The following ABCC1 variants were observed in gnomAD, a reference collection of about 807,000 sequenced individuals.
The protein encoded by ABCC1 is multidrug resistance-associated protein 1.
Under a neutral mutation model 172.9 loss-of-function variants are expected in ABCC1, and 83 were observed. The ratio of observed to expected loss-of-function variants is 0.48; its 90% confidence interval spans 0.40 to 0.58. The LOEUF is 0.58. Ranked by LOEUF, ABCC1 falls within the 20% of genes least tolerant of loss-of-function variation. The pLI is 0.00. For synonymous variants in ABCC1, 937 were observed against 825.2 expected (o/e 1.14, Z -2.32); for missense variants, 1,817 against 2,002.7 (o/e 0.91, Z 1.77).
chr16:16,007,953 A>T lies in ABCC1; in HGVS notation c.186A>T (p.Arg62=), dbSNP rs542683759. 6.4e-7 allele frequency: 1 copy of T among 1,554,568 alleles called. No homozygotes were observed. Among genetic ancestry groups the T allele is most frequent in the Non-Finnish European group, 8.7e-7 (1 of 1,145,452 alleles). Residue 62 remains arginine (R), a synonymous_variant, in exon 2 of 31, where the codon CGA becomes CGT. Coordinates refer to ENST00000399410, the MANE Select transcript of ABCC1 (RefSeq NM_004996.4). The part of the protein sequence containing the change: ...FYFLYLSRHD[R]GYIQMTPLNK... Reference sequence around the variant, plus strand: ...TCCTCTATCTCTCCCGACATGACCGAGGCTACATTCAGATGACACCTCTCA... The same window carrying T: ...TCCTCTATCTCTCCCGACATGACCGTGGCTACATTCAGATGACACCTCTCA...
At chr16:16,032,326 G>A (rs1458761186) in intron 5 of ABCC1, among the ~76,000 whole-genome samples, 7 of 152,194 alleles carry the variant, frequency 4.6e-5, no homozygotes, top group Non-Finnish European at 1.0e-4. Flanking sequence ...ATCTTGTGAG[G>A]TGAGGATGAA....
intron 12 of ABCC1, among the ~76,000 whole-genome samples, chr16:16,062,250 C>T (rs563316929): frequency 6.6e-6 from 1 of 152,332 alleles, no homozygotes; most frequent in East Asian, 1.9e-4. Context: ...CAGGCTGTCA[C>T]CAAACTTTGC....
Position 16,014,520 on chromosome 16 carries a change from G to A in ABCC1, c.381G>A (p.Glu127=), listed in dbSNP as rs750422600. 3.7e-6 allele frequency: 6 copies of A among 1,614,018 alleles called. No homozygotes were observed. The Admixed American group carries it at 1.0e-4, about 27-fold the overall frequency. The change falls in exon 4 of 31, where the codon GAG becomes GAA. Residue 127 remains glutamate, a synonymous_variant. Coordinates refer to ENST00000399410, the MANE Select transcript of ABCC1 (RefSeq NM_004996.4). ...MLLATFLIQL[E]RRKGVQSSGI... ...TTGCTACCTTTTTAATTCAGCTGGAGAGGAGGAAGGGAGTTCAGTCTTCAG... is the reference window on the plus strand; with the variant it reads ...TTGCTACCTTTTTAATTCAGCTGGAAAGGAGGAAGGGAGTTCAGTCTTCAG...
intron 1 of ABCC1, among the ~76,000 whole-genome samples, chr16:15,965,893 A>C (rs1219742493): frequency 6.6e-6 from 1 of 151,928 alleles, no homozygotes; most frequent in Admixed American, 6.6e-5. Context: ...AGTCATTTTT[A>C]TTTTTCTTTT....
chr16:16,127,264 G>T (rs1292297754), intron 26 of ABCC1, among the ~76,000 whole-genome samples: 1 of 152,114 alleles, frequency 6.6e-6, no homozygotes, highest in Middle Eastern at 3.2e-3. Context: ...CTCTTGCCCG[G>T]GTTGGAGTGT....
chr16:16,046,538 T>G (rs1348528439), intron 9 of ABCC1, among the ~76,000 whole-genome samples: 2 of 152,034 alleles, frequency 1.3e-5, no homozygotes, highest in Non-Finnish European at 2.9e-5. Flanking sequence ...AGAGACAGGG[T>G]TTCGCCATGT....
At chr16:16,021,048 AC>A (rs764087795) in intron 5 of ABCC1, among the ~76,000 whole-genome samples, 6 of 152,150 alleles carry the variant, frequency 3.9e-5, no homozygotes, top group Non-Finnish European at 8.8e-5. Flanking sequence ...GGCAGTATCC[AC>A]CTTGTAACCT....
rs74527938 is a variant in ABCC1, at chr16:16,140,114, C to T, written c.4488-1059C>T. On this transcript the variant is annotated intron_variant, in intron 30 of 30. Coordinates refer to ENST00000399410, the MANE Select transcript of ABCC1 (RefSeq NM_004996.4). ...CTAAAGGAAGAACATTCTAGGCAGC[C>T]GGTACAGCCGAATGTAAAAATGAAT... Among the ~76,000 whole-genome samples the T allele has an allele frequency of 8.7e-3, 1,331 of 152,280 alleles. 8 individuals are homozygous for T. Among genetic ancestry groups the T allele is most frequent in the South Asian group, 0.035 (168 of 4,826 alleles).
chr16:16,072,763 CG>C (rs1567373179), intron 14 of ABCC1, among the ~76,000 whole-genome samples: 2 of 151,778 alleles, frequency 1.3e-5, no homozygotes, highest in Admixed American at 1.3e-4. Context: ...AATATTAGGC[CG>C]GGCACAGTGG....
At chr16:16,014,196 A>G (rs994754576) in intron 3 of ABCC1, among the ~76,000 whole-genome samples, 2 of 152,308 alleles carry the variant, frequency 1.3e-5, no homozygotes, top group East Asian at 1.9e-4. Flanking sequence ...CTGTAATCCC[A>G]GCACCTTGGG....
chr16:16,079,721 A>G (rs1000010834), intron 16 of ABCC1, among the ~76,000 whole-genome samples: 1 of 152,142 alleles, frequency 6.6e-6, no homozygotes, highest in African/African-American at 2.4e-5. Flanking sequence ...CAGCACTTAA[A>G]ATAGTGCCCA....
intron 14 of ABCC1, among the ~76,000 whole-genome samples, chr16:16,074,851 A>T (rs1031967262): frequency 6.6e-6 from 1 of 152,008 alleles, no homozygotes; most frequent in Non-Finnish European, 1.5e-5. Context: ...TTATTTCTTC[A>T]TTTGACAACT....
rs28364004 is a variant in ABCC1 at position 16,090,509 on chromosome 16, G to T, written c.2565G>T (p.Leu855=). ...CTGAGATGGGCTCCTACCAGGAGCT[G>T]CTGGCTCGAGACGGCGCCTTCGCTG... ...KISEMGSYQE[L]LARDGAFAEF... is the part of the protein sequence containing the mutation. The change falls in exon 19 of 31, where the codon CTG becomes CTT. Residue 855 remains leucine (L), a synonymous_variant. Transcript: ENST00000399410. 1,771 of 1,613,846 alleles carry T rather than the reference G, an allele frequency of 1.1e-3. 12 individuals carry two copies. In the African/African-American group the frequency reaches 0.013, roughly 12 times the overall value.
intron 1 of ABCC1, among the ~76,000 whole-genome samples, chr16:15,982,325 T>C (rs1409276188): frequency 6.6e-6 from 1 of 151,982 alleles, no homozygotes; most frequent in East Asian, 1.9e-4. Context: ...AGGGAAGAGA[T>C]TTAGTTGGCC....
Position 16,087,010 on chromosome 16 carries a change from G to T in ABCC1, c.2460+19G>T, listed in dbSNP as rs1405145873. On this transcript the variant is annotated intron_variant, in intron 18 of 30. Coordinates refer to ENST00000399410, the MANE Select transcript of ABCC1 (RefSeq NM_004996.4). ...GAACAAGGTGCCTGCTGGCGGGGTG[G>T]GGCTTGGTGTTGGGCCGTCTCGCCC... The T allele has an allele frequency of 6.2e-7, 1 of 1,613,778 alleles. No homozygotes were observed. Among genetic ancestry groups the T allele is most frequent in the South Asian group, 1.1e-5 (1 of 91,056 alleles).
chr16:16,135,788 G>A (rs932688231), intron 28 of ABCC1, among the ~76,000 whole-genome samples: 11 of 152,134 alleles, frequency 7.2e-5, no homozygotes, highest in African/African-American at 2.4e-4. Flanking sequence ...ATCCCCGCAG[G>A]TGGATTCCTT....
At chr16:16,067,561 G>C (rs891802011) in intron 12 of ABCC1, among the ~76,000 whole-genome samples, 11 of 152,162 alleles carry the variant, frequency 7.2e-5, no homozygotes, top group Admixed American at 7.2e-4. Context: ...TTATAGATGA[G>C]AAAATAGGGG....
At chr16:15,982,068 A>G (rs1246806173) in intron 1 of ABCC1, among the ~76,000 whole-genome samples, 2 of 152,196 alleles carry the variant, frequency 1.3e-5, no homozygotes, top group Non-Finnish European at 2.9e-5. Flanking sequence ...TTCATTGTCC[A>G]TATCACTATC....
chr16:15,970,176 C>G (rs1393691392), intron 1 of ABCC1, among the ~76,000 whole-genome samples: 1 of 152,198 alleles, frequency 6.6e-6, no homozygotes, highest in Admixed American at 6.5e-5. Context: ...AAAATCCCAG[C>G]TGGTGTGGCA....
Sources: allele counts gnomAD v4.1 joint callset (sites outside exome capture counted in the v4.1 genomes callset), GRCh38; gene constraint gnomAD v4.1.1; transcripts MANE v1.5; gene names NCBI Gene and HGNC (gene_info 2026-07-23, HGNC 2026-07-21).